ARHGAP10: variants seen among roughly 807,000 people sequenced by gnomAD.
ARHGAP10 encodes Rho GTPase activating protein 10, also known as rho GTPase-activating protein 10.
A neutral mutation model predicts 108.6 loss-of-function variants in ARHGAP10; 87 were observed. That is an observed-to-expected ratio of 0.80 (90% CI 0.67 to 0.96). The LOEUF (loss-of-function observed/expected upper bound fraction) is 0.96, where lower values mean the gene tolerates loss of function less well. Among genes scored for constraint, ARHGAP10 ranks in the 40% least tolerant of loss-of-function variants. The pLI is 0.00. For missense variants in ARHGAP10, 939 were observed against 954.5 expected, an observed-to-expected ratio of 0.98 and a Z score of 0.21; for synonymous variants, 347 against 341.1, an observed-to-expected ratio of 1.02 and a Z score of -0.19.
chr4:148,035,479 ATACAT>A (rs1728336819), intron 19 of ARHGAP10, among the ~76,000 whole-genome samples: 1 of 152,164 alleles, frequency 6.6e-6, no homozygotes, highest in South Asian at 2.1e-4. Flanking sequence ...AGAATTTCAG[ATACAT>A]TATATTAGCC....
chr4:147,822,344 T>G (rs1579083771), intron 1 of ARHGAP10, among the ~76,000 whole-genome samples: 1 of 152,222 alleles, frequency 6.6e-6, no homozygotes. Context: ...CCAGATTGCA[T>G]CAAGCCACTA....
At chr4:147,791,228 C>T (rs914811062) in intron 1 of ARHGAP10, among the ~76,000 whole-genome samples, 5 of 151,470 alleles carry the variant, frequency 3.3e-5, no homozygotes, top group Admixed American at 1.3e-4. Flanking sequence ...TCTCCTGCCT[C>T]GGCCTCCTGA....
intron 20 of ARHGAP10, among the ~76,000 whole-genome samples, chr4:148,052,424 C>A (rs1578830718): frequency 2.8e-5 from 3 of 106,332 alleles, no homozygotes; most frequent in African/African-American, 3.7e-5. Context: ...GGCTAATTGA[C>A]CAAAATGAAC....
At chr4:148,058,288 T>C (rs1031318382) in intron 20 of ARHGAP10, among the ~76,000 whole-genome samples, 1 of 152,226 alleles carries the variant, frequency 6.6e-6, no homozygotes, top group Non-Finnish European at 1.5e-5. Flanking sequence ...GAATCTTTCA[T>C]TGCAGTGCAA....
intron 19 of ARHGAP10, among the ~76,000 whole-genome samples, chr4:148,036,135 A>G (rs1314370241): frequency 1.3e-5 from 2 of 151,792 alleles, no homozygotes; most frequent in Non-Finnish European, 2.9e-5. Context: ...AAACTAATGT[A>G]TAAGATAATA....
intron 19 of ARHGAP10, among the ~76,000 whole-genome samples, chr4:148,039,551 C>G (rs1728540758): frequency 6.6e-6 from 1 of 151,672 alleles, no homozygotes; most frequent in African/African-American, 2.4e-5. Context: ...CTGCCCACCT[C>G]TACCTCCCAA....
chr4:147,909,498 C>T (rs541144495), intron 11 of ARHGAP10, among the ~76,000 whole-genome samples: 1 of 152,188 alleles, frequency 6.6e-6, no homozygotes, highest in South Asian at 2.1e-4. Flanking sequence ...TCACATGTGA[C>T]CAAAAGGATC....
At chr4:148,025,425 A>T (rs959161856) in intron 19 of ARHGAP10, among the ~76,000 whole-genome samples, 1 of 152,078 alleles carries the variant, frequency 6.6e-6, no homozygotes, top group African/African-American at 2.4e-5. Context: ...ATAGTGATTT[A>T]ATCTTATGTT....
chr4:147,809,178 C>G (rs1054396317), intron 1 of ARHGAP10: 9 of 152,306 alleles, frequency 5.9e-5, no homozygotes, highest in African/African-American at 2.2e-4. Context: ...CACAGCACTC[C>G]AGCCTGGGCA....
intron 4 of ARHGAP10, among the ~76,000 whole-genome samples, chr4:147,853,706 C>T (rs1384234003): frequency 6.6e-6 from 1 of 151,846 alleles, no homozygotes; most frequent in African/African-American, 2.4e-5. Flanking sequence ...TAATCCTCCC[C>T]CCTTTGCTGT....
intron 15 of ARHGAP10, among the ~76,000 whole-genome samples, chr4:147,953,074 T>A: frequency 6.7e-6 from 1 of 149,210 alleles, no homozygotes. Context: ...AGTACATTGA[T>A]TTTTTTTTTA....
At chr4:147,889,666 TGTC>T (rs1008241118) in intron 10 of ARHGAP10, among the ~76,000 whole-genome samples, 4 of 63,026 alleles carry the variant, frequency 6.3e-5, no homozygotes, top group Non-Finnish European at 2.7e-4. Context: ...AAACATACTT[TGTC>T]TTCTTTACAA....
intron 3 of ARHGAP10, among the ~76,000 whole-genome samples, chr4:147,841,594 G>C (rs1404068525): frequency 1.3e-5 from 2 of 152,112 alleles, no homozygotes; most frequent in African/African-American, 4.8e-5. Context: ...TAATATTTCT[G>C]TGAAATTATA....
At chr4:148,049,883 G>A (rs1261663561) in intron 20 of ARHGAP10, among the ~76,000 whole-genome samples, 2 of 149,952 alleles carry the variant, frequency 1.3e-5, no homozygotes, top group East Asian at 4.0e-4. Flanking sequence ...TGGGAGGGTG[G>A]GGAAGACTGA....
chr4:147,807,421 G>T (rs981090305), intron 1 of ARHGAP10, among the ~76,000 whole-genome samples: 5 of 151,900 alleles, frequency 3.3e-5, no homozygotes, highest in African/African-American at 7.3e-5. Context: ...AGGAACAGAA[G>T]AACTTATATT....
chr4:147,951,401 T>A (rs997374190), intron 15 of ARHGAP10, among the ~76,000 whole-genome samples: 1 of 65,764 alleles, frequency 1.5e-5, no homozygotes, highest in Admixed American at 2.5e-4. Context: ...GTGGTATAGT[T>A]GATTTTTTTT....
At chr4:147,941,527 A>C (rs938426693) in intron 14 of ARHGAP10, among the ~76,000 whole-genome samples, 1 of 152,192 alleles carries the variant, frequency 6.6e-6, no homozygotes. Context: ...CCAGGACATG[A>C]GTGTGACACA....
intron 1 of ARHGAP10, among the ~76,000 whole-genome samples, chr4:147,737,191 C>T (rs1728453463): frequency 6.6e-6 from 1 of 152,092 alleles, no homozygotes; most frequent in African/African-American, 2.4e-5. Context: ...CGCCCTGTTG[C>T]CTAGGCTAGA....
chr4:147,875,479 G>C (rs905682507), intron 8 of ARHGAP10, among the ~76,000 whole-genome samples: 2 of 152,128 alleles, frequency 1.3e-5, no homozygotes, highest in Admixed American at 6.5e-5. Flanking sequence ...CCAGAGTTAC[G>C]AGGGTATGAT....
Sources: gnomAD v4.1 joint callset for allele counts (sites outside exome capture counted in the v4.1 genomes callset) on GRCh38, gnomAD v4.1.1 for gene constraint, MANE v1.5 for transcripts, NCBI Gene and HGNC (gene_info 2026-07-23, HGNC 2026-07-21) for gene names.